PHC3: variants seen among roughly 807,000 people sequenced by gnomAD.
The protein encoded by PHC3 is polyhomeotic homolog 3.
PHC3 carries 13 observed loss-of-function variants against 107.4 expected under a neutral mutation model. The ratio of observed to expected loss-of-function variants is 0.12; its 90% CI spans 0.08 to 0.19. The LOEUF is 0.19. PHC3 is among the 10% of genes least tolerant of loss of function. PHC3 has a pLI of 1.00. For missense variants in PHC3, 992 were observed against 1,210.9 expected (o/e 0.82, Z 2.68); for synonymous variants, 456 against 427.4 (o/e 1.07, Z -0.83).
intron 5 of PHC3, among the ~76,000 whole-genome samples, chr3:170,147,076 G>T (rs1002794351): frequency 6.6e-6 from 1 of 151,002 alleles, no homozygotes; most frequent in Non-Finnish European, 1.5e-5. Context: ...CTCCATGTTG[G>T]TCAGGCTGGT....
chr3:170,136,383 A>T, intron 7 of PHC3, 36 bp downstream of exon 7: 1 of 1,611,380 alleles, frequency 6.2e-7, no homozygotes. Flanking sequence ...AAGAAAATGA[A>T]TAATACAACT....
intron 1 of PHC3, 146 bp downstream of exon 1, chr3:170,181,556 C>A: frequency 8.4e-7 from 1 of 1,197,220 alleles, no homozygotes; most frequent in Non-Finnish European, 1.2e-6. Context: ...ACGGGCCTAG[C>A]CGGCTCCTCC....
chr3:170,129,627 G>C, intron 7 of PHC3, 75 bp from the exon 8 acceptor site: 2 of 1,344,692 alleles, frequency 1.5e-6, no homozygotes, highest in South Asian at 2.8e-5. Context: ...AAAGGAAAAA[G>C]TGTTCATTAT....
Position 170,128,744 on chromosome 3 carries a change from A to C in PHC3, c.1728T>G (p.Pro576=). 6.2e-7 allele frequency: 1 copy of C among 1,614,010 alleles called. No homozygotes were observed. Among genetic ancestry groups the C allele is most frequent in the Non-Finnish European group, 8.5e-7 (1 of 1,179,884 alleles). Residue 576 remains proline (P), a synonymous_variant, in exon 8 of 15, where the codon CCT becomes CCG. Coordinates refer to ENST00000495893, the MANE Select transcript of PHC3 (RefSeq NM_024947.4). ...GTAGGTTTACCGCAACAGTCTGTGGAGGAGGAAGAGTCTGAAATGGCAACT... is the reference window on the plus strand; with the variant it reads ...GTAGGTTTACCGCAACAGTCTGTGGCGGAGGAAGAGTCTGAAATGGCAACT... The part of the protein sequence containing the change: ...LVQLPFQTLP[P]PQTVAVNLQV...
intron 5 of PHC3, among the ~76,000 whole-genome samples, chr3:170,146,611 C>T (rs1253428067): frequency 2.0e-5 from 3 of 146,636 alleles, no homozygotes; most frequent in Non-Finnish European, 4.5e-5. Flanking sequence ...CAGCTCACTG[C>T]AACCTCTGCC....
chr3:170,163,584 C>T (rs751222022), intron 4 of PHC3, among the ~76,000 whole-genome samples: 1 of 151,872 alleles, frequency 6.6e-6, no homozygotes, highest in Non-Finnish European at 1.5e-5. Context: ...CATAGTCCGC[C>T]GGGCACGGTG....
chr3:170,153,664 G>A (rs915957273), intron 4 of PHC3, among the ~76,000 whole-genome samples: 18 of 151,706 alleles, frequency 1.2e-4, no homozygotes, highest in Non-Finnish European at 1.6e-4. Context: ...TCGGGAGGCT[G>A]AGGCAGGAGA....
In PHC3 at chr3:170,113,430, T is replaced by G; in HGVS notation, c.2283A>C (p.Pro761=). The G allele has an allele frequency of 6.2e-7, 1 of 1,613,544 alleles. No homozygotes were observed. Among genetic ancestry groups the G allele is most frequent in the Non-Finnish European group, 8.5e-7 (1 of 1,179,674 alleles). ...CATGTTTTGTATTATTCTGTAGCTC[T>G]GGCTGAACACACACTGAATTTATCA... is the stretch of plus-strand genomic sequence containing the variant. ...NQVINSVCVQ[P]ELQNNTKHAD... The change falls in exon 11 of 15, where the codon CCA becomes CCC. Residue 761 remains proline (P), a synonymous_variant. Coordinates refer to ENST00000495893, the MANE Select transcript of PHC3 (RefSeq NM_024947.4).
rs981739765 is a variant in PHC3 at position 170,088,078 on chromosome 3, TATTTC to T, written c.*9147_*9151del. The T allele has an allele frequency of 1.3e-5, 2 of 152,186 alleles. No homozygotes were observed. Among genetic ancestry groups the T allele is most frequent in the African/African-American group, 4.8e-5 (2 of 41,454 alleles). The allele number at this position is 152,186 out of a possible 1,614,324, so 9.4% of individuals were successfully genotyped here. On this transcript the variant is annotated 3_prime_UTR_variant, in exon 15 of 15. Coordinates refer to ENST00000495893, the MANE Select transcript of PHC3 (RefSeq NM_024947.4). ...CTCTAATGCTAAGAGTGCTAAAAAC[TATTTC>T]ATTTCTTGTAAGGAGGACTCTAATA... is the stretch of plus-strand genomic sequence containing the variant.
chr3:170,156,739 A>G (rs1390762527), intron 4 of PHC3, among the ~76,000 whole-genome samples: 1 of 151,998 alleles, frequency 6.6e-6, no homozygotes, highest in Non-Finnish European at 1.5e-5. Context: ...CTGGGATTAC[A>G]GGGCTTGCTA....
chr3:170,105,482 A>G (rs774110037), intron 12 of PHC3, among the ~76,000 whole-genome samples: 2 of 152,172 alleles, frequency 1.3e-5, no homozygotes, highest in Non-Finnish European at 2.9e-5. Context: ...GATGTATGCA[A>G]TTATATTAAT....
Position 170,113,301 on chromosome 3 carries a change from G to C in PHC3, c.2353+59C>G, listed in dbSNP as rs1577011790. 3 of 1,493,838 alleles carry C rather than the reference G, an allele frequency of 2.0e-6. No homozygotes were observed. In the East Asian group the frequency reaches 7.0e-5, roughly 35 times the overall value. The allele number at this position is 1,493,838 out of a possible 1,614,324, so 92.5% of individuals were successfully genotyped here. A position where few individuals can be genotyped will look rare whatever the true frequency, so the allele number is the denominator to read the frequency against. On this transcript the variant is annotated intron_variant, in intron 11 of 14. Coordinates refer to ENST00000495893, the MANE Select transcript of PHC3 (RefSeq NM_024947.4). ...TGTACAGAATAAAAATCCACATCCT[G>C]TTTTAAGCAGTAAAAGTCAAAGTTA...
intron 8 of PHC3, chr3:170,128,394 G>C (rs1560062592): frequency 7.5e-7 from 1 of 1,334,370 alleles, no homozygotes; most frequent in Non-Finnish European, 9.7e-7. Context: ...TTCCCTTGGG[G>C]AAAAAAAATC....
chr3:170,156,018 A>G (rs957179638), intron 4 of PHC3, among the ~76,000 whole-genome samples: 13 of 152,166 alleles, frequency 8.5e-5, no homozygotes, highest in African/African-American at 3.1e-4. Context: ...TGCTTTTATC[A>G]TGTTAAAGCA....
At chr3:170,171,196 A>AT (rs770546698) in intron 4 of PHC3, 177 bp downstream of exon 4, 73 of 576,072 alleles carry the variant, frequency 1.3e-4, no homozygotes, top group Admixed American at 5.0e-4. Flanking sequence ...TCAGATTTTC[A>AT]TAAGTTTAAC....
intron 4 of PHC3, among the ~76,000 whole-genome samples, chr3:170,151,055 A>G (rs147444608): frequency 0.03 from 4,608 of 152,090 alleles, 243 homozygotes; most frequent in African/African-American, 0.11. Context: ...TACTAAAAAT[A>G]CAAAAATTAG....
Position 170,136,677 on chromosome 3 carries a change from A to G in PHC3, c.673-12T>C, listed in dbSNP as rs373528825. On this transcript the variant is annotated splice_polypyrimidine_tract_variant and intron_variant, in intron 6 of 14. Coordinates refer to ENST00000495893, the MANE Select transcript of PHC3 (RefSeq NM_024947.4). ...GTTAAATTCTGAACCTAAGAACCAC[A>G]TAACAGAAAATTAGGATGAAAACAG... 2.5e-6 allele frequency: 4 copies of G among 1,611,060 alleles called. No individual in the cohort carries two copies. Among genetic ancestry groups the G allele is most frequent in the East Asian group, 4.5e-5 (2 of 44,830 alleles).
Position 170,090,029 on chromosome 3 carries a change from A to G in PHC3, c.*7201T>C, listed in dbSNP as rs1056726550. 6.6e-6 allele frequency: 1 copy of G among 151,542 alleles called. No homozygotes were observed. Among genetic ancestry groups the G allele is most frequent in the Non-Finnish European group, 1.5e-5 (1 of 67,952 alleles). The allele number at this position is 151,542 out of a possible 1,614,324, so 9.4% of individuals were successfully genotyped here. On this transcript the variant is annotated 3_prime_UTR_variant, in exon 15 of 15. Coordinates refer to ENST00000495893, the MANE Select transcript of PHC3 (RefSeq NM_024947.4). ...TTTTTTGTTCTGCCACATGCCTTGT[A>G]TAGCAACAACTCTGGAATAGAGTCA...
At chr3:170,180,616 G>C (rs1731235942) in intron 1 of PHC3, among the ~76,000 whole-genome samples, 2 of 144,310 alleles carry the variant, frequency 1.4e-5, no homozygotes, top group African/African-American at 5.1e-5. Flanking sequence ...AGCATCATAT[G>C]GTAACTGTTC....
Sources: allele counts gnomAD v4.1 joint callset (sites outside exome capture counted in the v4.1 genomes callset), GRCh38; gene constraint gnomAD v4.1.1; transcripts MANE v1.5; gene names NCBI Gene and HGNC (gene_info 2026-07-23, HGNC 2026-07-21).